SYNPR: variants seen among roughly 807,000 people sequenced by gnomAD.
SYNPR encodes synaptoporin.
A neutral mutation model predicts 32.9 loss-of-function variants in SYNPR; 23 were observed. That is an observed-to-expected ratio of 0.70 (90% CI 0.50 to 0.99). The LOEUF (loss-of-function observed/expected upper bound fraction) is 0.99. SYNPR is among the 50% of genes least tolerant of loss of function. The pLI, the probability that SYNPR is intolerant of heterozygous loss-of-function variation, is 0.00. For synonymous variants in SYNPR, 146 were observed against 135.9 expected (o/e 1.07, Z -0.52); for missense variants, 318 against 349.3 (o/e 0.91, Z 0.71).
chr3:63,252,036 T>A (rs560861687), intron 1 of SYNPR, among the ~76,000 whole-genome samples: 32 of 151,858 alleles, frequency 2.1e-4, no homozygotes, highest in African/African-American at 6.8e-4. Context: ...GGTATGGGGG[T>A]ACCATGGAGT....
At chr3:63,560,146 G>C (rs1459635187) in intron 4 of SYNPR, among the ~76,000 whole-genome samples, 1 of 152,158 alleles carries the variant, frequency 6.6e-6, no homozygotes, top group East Asian at 1.9e-4. Context: ...AAGGAACAGA[G>C]AGAGATAATT....
intron 2 of SYNPR, among the ~76,000 whole-genome samples, chr3:63,382,985 A>G (rs996976783): frequency 5.9e-5 from 9 of 152,214 alleles, no homozygotes; most frequent in African/African-American, 1.9e-4. Flanking sequence ...CATTAGAACT[A>G]GAGACTTGAT....
At chr3:63,236,414 C>G (rs933980430) in intron 1 of SYNPR, among the ~76,000 whole-genome samples, 1 of 151,966 alleles carries the variant, frequency 6.6e-6, no homozygotes, top group African/African-American at 2.4e-5. Flanking sequence ...CTACAAAAAC[C>G]TTGCTGGGAT....
Position 63,412,240 on chromosome 3 carries a change from G to T in SYNPR, c.85-68592G>T, listed in dbSNP as rs149773557. On this transcript the variant is annotated intron_variant, in intron 2 of 5. Coordinates refer to ENST00000478300, the MANE Select transcript of SYNPR (RefSeq NM_001130003.2). The stretch of plus-strand genomic sequence containing the variant: ...AGGTCTGGCACATGCTGAGACTGGG[G>T]TGTCTCTGAAGCATTCAAGAGAAGA... Among the ~76,000 whole-genome samples the T allele has an allele frequency of 6.6e-4, 100 of 152,256 alleles. 1 individual carries two copies. The East Asian group carries it at 0.019, about 29-fold the overall frequency.
At chr3:63,382,687 C>T (rs1324146865) in intron 2 of SYNPR, among the ~76,000 whole-genome samples, 1 of 152,092 alleles carries the variant, frequency 6.6e-6, no homozygotes, top group Admixed American at 6.5e-5. Context: ...GGCCAATCTG[C>T]CTTTTTCTCC....
At chr3:63,531,592 G>A (rs1217395267) in intron 3 of SYNPR, among the ~76,000 whole-genome samples, 1 of 152,118 alleles carries the variant, frequency 6.6e-6, no homozygotes, top group East Asian at 1.9e-4. Context: ...ACATTCTTAA[G>A]TATTGAGGGT....
intron 2 of SYNPR, 151 bp from the exon 3 acceptor site, chr3:63,480,681 A>T: frequency 1.0e-6 from 1 of 1,000,396 alleles, no homozygotes; most frequent in Non-Finnish European, 1.4e-6. Flanking sequence ...ACTCCATTCT[A>T]CCTTCATCTT....
At chr3:63,315,703 C>T (rs2087033060) in intron 2 of SYNPR, among the ~76,000 whole-genome samples, 1 of 151,952 alleles carries the variant, frequency 6.6e-6, no homozygotes, top group Non-Finnish European at 1.5e-5. Flanking sequence ...GTATGACTTC[C>T]TCTTTACAGC....
chr3:63,365,921 C>G (rs1349169154), intron 2 of SYNPR, among the ~76,000 whole-genome samples: 1 of 152,180 alleles, frequency 6.6e-6, no homozygotes, highest in African/African-American at 2.4e-5. Context: ...TTATTTCTCA[C>G]ATAAACATGG....
intron 2 of SYNPR, among the ~76,000 whole-genome samples, chr3:63,360,953 A>T (rs2087651312): frequency 6.6e-6 from 1 of 152,202 alleles, no homozygotes; most frequent in South Asian, 2.1e-4. Context: ...TGAAGGCAGG[A>T]GATACATGTA....
At chr3:63,209,292 T>G in the SYNPR span, among the ~76,000 whole-genome samples, 2 of 121,784 alleles carry the variant, frequency 1.6e-5, no homozygotes, top group Non-Finnish European at 3.2e-5. Flanking sequence ...CACTCCAGCT[T>G]GGGTGACAGC....
At chr3:63,334,247 A>T (rs2087260596) in intron 2 of SYNPR, among the ~76,000 whole-genome samples, 1 of 152,182 alleles carries the variant, frequency 6.6e-6, no homozygotes, top group African/African-American at 2.4e-5. Context: ...ATGTGCTTGT[A>T]AGACCTCTCA....
At chr3:63,306,380 G>A (rs986098123) in intron 2 of SYNPR, among the ~76,000 whole-genome samples, 12 of 151,798 alleles carry the variant, frequency 7.9e-5, no homozygotes, top group Non-Finnish European at 1.8e-4. Flanking sequence ...CCTCACTCTC[G>A]AAAGATTAAA....
chr3:63,284,638 T>C (rs949360859), intron 2 of SYNPR, among the ~76,000 whole-genome samples: 2 of 152,334 alleles, frequency 1.3e-5, no homozygotes, highest in Middle Eastern at 3.4e-3. Flanking sequence ...TTATATAATC[T>C]TCATTCCTGA....
chr3:63,250,408 C>G (rs1178540772), intron 1 of SYNPR, among the ~76,000 whole-genome samples: 2 of 152,116 alleles, frequency 1.3e-5, no homozygotes, highest in Non-Finnish European at 2.9e-5. Context: ...CCTAACAGGA[C>G]TGAAAAATAG....
intron 3 of SYNPR, among the ~76,000 whole-genome samples, chr3:63,486,625 C>A (rs1210923819): frequency 6.6e-6 from 1 of 152,178 alleles, no homozygotes; most frequent in Non-Finnish European, 1.5e-5. Context: ...ACATTACCAT[C>A]TTTAAAGAAG....
At chr3:63,417,133 G>A (rs2088552555) in intron 2 of SYNPR, among the ~76,000 whole-genome samples, 2 of 152,222 alleles carry the variant, frequency 1.3e-5, no homozygotes, top group Non-Finnish European at 2.9e-5. Context: ...TTACTTCCTA[G>A]ATACAGTGGG....
intron 2 of SYNPR, among the ~76,000 whole-genome samples, chr3:63,321,262 A>T (rs2087108084): frequency 6.6e-6 from 1 of 152,082 alleles, no homozygotes; most frequent in South Asian, 2.1e-4. Context: ...TTTAACTACA[A>T]TAGCACTTTT....
chr3:63,289,350 G>C (rs559094550), intron 2 of SYNPR: 5 of 152,606 alleles, frequency 3.3e-5, no homozygotes, highest in African/African-American at 1.2e-4. Context: ...AAGAAAATGG[G>C]TTTATTTGGT....
Sources: allele counts gnomAD v4.1 joint callset (sites outside exome capture counted in the v4.1 genomes callset), GRCh38; gene constraint gnomAD v4.1.1; transcripts MANE v1.5; gene names NCBI Gene and HGNC (gene_info 2026-07-23, HGNC 2026-07-21).